Variants in SORBS3 observed in about 807,000 individuals in gnomAD.
The protein encoded by SORBS3 is vinexin.
In SORBS3, 69 loss-of-function variants were observed where a neutral mutation model predicts 98.0. That is an observed-to-expected ratio of 0.70 (90% CI 0.58 to 0.86). The LOEUF (loss-of-function observed/expected upper bound fraction) is 0.86, where lower values mean the gene tolerates loss of function less well. Ranked by LOEUF, SORBS3 falls within the 40% of genes least tolerant of loss-of-function variation. The probability of loss-of-function intolerance (pLI) is 0.00; values close to 1 mark genes in which losing one functional copy is unlikely to be tolerated. For missense variants in SORBS3, 954 were observed against 908.5 expected, an observed-to-expected ratio of 1.05 and a Z score of -0.64; for synonymous variants, 394 against 355.4, an observed-to-expected ratio of 1.11 and a Z score of -1.22.
chr8:22,566,360 G>C lies in SORBS3; in HGVS notation c.966G>C (p.Trp322Cys). The stretch of plus-strand genomic sequence containing the variant: ...CCCCGTGCAGCCCGGCCTCAGCCTG[G>C]AGCTCCAGCTACCCACATGCACCTT... ...QRPPAGPASA[W>C]SSSYPHAPYL... Residue 322 changes from tryptophan to cysteine, a missense_variant, in exon 13 of 21, where the codon TGG becomes TGC. By Grantham distance (215) the Trp-to-Cys change is radical. Coordinates refer to ENST00000240123, the MANE Select transcript of SORBS3 (RefSeq NM_005775.5). 6.2e-7 allele frequency: 1 copy of C among 1,613,708 alleles called. No individual in the cohort carries two copies. The highest frequency in any genetic ancestry group is 1.1e-5 in the South Asian group (1 of 91,080).
chr8:22,549,150 A>G (rs1840047210), upstream of SORBS3, among the ~76,000 whole-genome samples: 1 of 152,212 alleles, frequency 6.6e-6, no homozygotes, highest in African/African-American at 2.4e-5. Flanking sequence ...GGTGGCTCTG[A>G]GAAGGCAGAG....
intron 10 of SORBS3, 84 bp downstream of exon 10, chr8:22,564,605 G>A: frequency 6.4e-7 from 1 of 1,551,902 alleles, no homozygotes; most frequent in Admixed American, 1.7e-5. Context: ...CATGGGCATA[G>A]GCCACGAACT....
Position 22,561,384 on chromosome 8 carries a change from G to A in SORBS3, c.517+11G>A. ...AGGAGCCACCCAGAGGTGAGGGGAT[G>A]CGGGCCCACCTGCCTGCCATAGCCC... On this transcript the variant is annotated intron_variant, in intron 6 of 20. Coordinates refer to ENST00000240123, the MANE Select transcript of SORBS3 (RefSeq NM_005775.5). The A allele has an allele frequency of 6.2e-7, 1 of 1,612,726 alleles. No individual in the cohort carries two copies. The highest frequency in any genetic ancestry group is 8.5e-7 in the Non-Finnish European group (1 of 1,179,468).
rs754382433 is a variant in SORBS3, at chr8:22,558,196, A to AGAT, written c.478+5_478+7dup. ...CAGATTCACCGGAAAATGCCAGGTAAGATACCCTTCCAGGGCCCTCTCCCT... is the reference window on the plus strand; with the variant it reads ...CAGATTCACCGGAAAATGCCAGGTAAGATGATACCCTTCCAGGGCCCTCTCCCT... On this transcript the variant is annotated splice_donor_region_variant and intron_variant, in intron 5 of 20. Coordinates refer to ENST00000240123, the MANE Select transcript of SORBS3 (RefSeq NM_005775.5). 1 of 1,614,042 alleles carries AGAT rather than the reference A, an allele frequency of 6.2e-7. No individual in the cohort carries two copies. Among genetic ancestry groups the AGAT allele is most frequent in the South Asian group, 1.1e-5 (1 of 91,082 alleles).
chr8:22,566,100 G>C, intron 12 of SORBS3: 2 of 572,568 alleles, frequency 3.5e-6, no homozygotes, highest in South Asian at 6.1e-5. Flanking sequence ...GCGGCCGCCG[G>C]GGGCGCAGCG....
intron 7 of SORBS3, among the ~76,000 whole-genome samples, chr8:22,562,354 A>T (rs1328942810): frequency 6.6e-6 from 1 of 152,216 alleles, no homozygotes; most frequent in African/African-American, 2.4e-5. Context: ...GATATGGAAG[A>T]ACCCAAGTTC....
chr8:22,557,358 C>T (rs1840204186), intron 4 of SORBS3, among the ~76,000 whole-genome samples: 1 of 152,190 alleles, frequency 6.6e-6, no homozygotes, highest in Non-Finnish European at 1.5e-5. Context: ...ACTGGGGATA[C>T]CCTGCCCTTT....
At chr8:22,572,296 G>T in intron 19 of SORBS3, 44 bp from the exon 20 acceptor site, 1 of 1,531,452 alleles carries the variant, frequency 6.5e-7, no homozygotes, top group Non-Finnish European at 9.0e-7. Context: ...TTGGGTTAGA[G>T]CCTCTGGGCC....
chr8:22,568,901 G>A (rs1840493272), intron 16 of SORBS3, among the ~76,000 whole-genome samples: 1 of 152,162 alleles, frequency 6.6e-6, no homozygotes, highest in East Asian at 1.9e-4. Context: ...CTTCACTTCA[G>A]TAATGCCCAC....
intron 17 of SORBS3, among the ~76,000 whole-genome samples, chr8:22,570,114 C>T (rs1840534204): frequency 6.6e-6 from 1 of 152,152 alleles, no homozygotes; most frequent in Non-Finnish European, 1.5e-5. Context: ...GGGAAGTGGT[C>T]TGCCTTTGGT....
intron 16 of SORBS3, 142 bp downstream of exon 16, chr8:22,567,317 A>G (rs898045341): frequency 4.7e-6 from 3 of 638,304 alleles, no homozygotes; most frequent in Non-Finnish European, 8.2e-6. Context: ...TGGCCCCCAC[A>G]GGGCTTGGCC....
chr8:22,569,660 A>C (rs1264108238), intron 17 of SORBS3, among the ~76,000 whole-genome samples: 1 of 152,174 alleles, frequency 6.6e-6, no homozygotes. Flanking sequence ...TTTAAAAAAG[A>C]GTCCGATGTA....
intron 10 of SORBS3, chr8:22,564,899 C>CG: frequency 5.7e-6 from 3 of 526,542 alleles, no homozygotes; most frequent in Non-Finnish European, 5.1e-6. Flanking sequence ...CCTGGGGTGG[C>CG]GGGGGAACCT....
At position 22,566,671 on chromosome 8, in the gene SORBS3, C is replaced by T; in HGVS notation, c.1101C>T (p.Ala367=). The T allele has an allele frequency of 6.2e-7, 1 of 1,608,660 alleles. No individual in the cohort carries two copies. Among genetic ancestry groups the T allele is most frequent in the East Asian group, 2.2e-5 (1 of 44,868 alleles). Residue 367 remains alanine, a synonymous_variant, in exon 14 of 21, where the codon GCC becomes GCT. Coordinates refer to ENST00000240123, the MANE Select transcript of SORBS3 (RefSeq NM_005775.5). ...VYPSSTRDPS[A]SNGGGSPARR... ...TGTGCTTCTCCACAGACCCTAGTGC[C>T]TCTAACGGAGGGGGCAGCCCAGCCA...
chr8:22,571,419 TAGA>T (rs1341509768), intron 18 of SORBS3, among the ~76,000 whole-genome samples, 198 bp downstream of exon 18: 2 of 152,156 alleles, frequency 1.3e-5, no homozygotes, highest in Non-Finnish European at 2.9e-5. Context: ...GAGGGAGCTC[TAGA>T]TGGAATCCCA....
chr8:22,562,113 C>G (rs185270810), intron 7 of SORBS3, among the ~76,000 whole-genome samples, 182 bp downstream of exon 7: 1 of 152,234 alleles, frequency 6.6e-6, no homozygotes, highest in Non-Finnish European at 1.5e-5. Flanking sequence ...CCCATAGACT[C>G]TCTTCCCTAC....
chr8:22,552,625 C>G (rs1261467141), intron 1 of SORBS3, among the ~76,000 whole-genome samples: 1 of 152,200 alleles, frequency 6.6e-6, no homozygotes, highest in African/African-American at 2.4e-5. Flanking sequence ...TACCCATCCT[C>G]CAAGAGAGCA....
Position 22,556,593 on chromosome 8 carries a change from C to CA in SORBS3, c.221-119dup, listed in dbSNP as rs199593053. On this transcript the variant is annotated intron_variant, in intron 3 of 20. Transcript: ENST00000240123. The stretch of plus-strand genomic sequence containing the variant: ...TGGTGCTCTGAGTCATCCACTCAAA[C>CA]AAACAAGGCGATGTTGAAACTTTGA... 642 of 822,314 alleles carry CA rather than the reference C, an allele frequency of 7.8e-4. 8 individuals are homozygous for CA. The East Asian group carries it at 0.015, about 19-fold the overall frequency. 50.9% of individuals were successfully genotyped at this position (822,314 alleles called of 1,614,324 possible).
intron 8 of SORBS3, 87 bp downstream of exon 8, chr8:22,564,164 TC>T (rs1179756586): frequency 9.9e-6 from 15 of 1,508,128 alleles, no homozygotes; most frequent in Non-Finnish European, 1.1e-5. Context: ...TCAGCTTGAA[TC>T]CCTTGGAGGA....
Sources: gnomAD v4.1 joint callset for allele counts (sites outside exome capture counted in the v4.1 genomes callset) on GRCh38, gnomAD v4.1.1 for gene constraint, MANE v1.5 for transcripts, NCBI Gene and HGNC (gene_info 2026-07-23, HGNC 2026-07-21) for gene names.